The following PTPRG variants were observed in gnomAD, a reference collection of about 807,000 sequenced individuals.
PTPRG encodes receptor-type tyrosine-protein phosphatase gamma.
A neutral mutation model predicts 165.3 loss-of-function variants in PTPRG; 102 were observed. That is an observed-to-expected ratio of 0.62 (90% CI 0.53 to 0.73). The LOEUF is 0.73. PTPRG is among the 30% of genes least tolerant of loss of function. The pLI, the probability that PTPRG is intolerant of heterozygous loss-of-function variation, is 0.00. For synonymous variants in PTPRG, 675 were observed against 669.5 expected, an observed-to-expected ratio of 1.01 and a Z score of -0.13; for missense variants, 1,866 against 1,861.4, an observed-to-expected ratio of 1.00 and a Z score of -0.05.
At chr3:61,575,089 T>C (rs531389369) in intron 1 of PTPRG, among the ~76,000 whole-genome samples, 12 of 152,282 alleles carry the variant, frequency 7.9e-5, no homozygotes, top group Admixed American at 7.2e-4. Flanking sequence ...GCGCATAACT[T>C]TAGCGTTAGA....
intron 2 of PTPRG, among the ~76,000 whole-genome samples, chr3:61,760,592 T>A (rs1389569586): frequency 1.3e-5 from 2 of 152,174 alleles, no homozygotes; most frequent in Non-Finnish European, 2.9e-5. Context: ...CTGCAACCCA[T>A]TCCTTTGTTT....
At position 62,245,797 on chromosome 3, in the gene PTPRG, A is replaced by T. The variant is rs1051293494; in HGVS notation, c.2467+1899A>T. 2.6e-5 allele frequency among the ~76,000 whole-genome samples: 4 copies of T among 152,076 alleles called. No homozygotes were observed. The highest frequency in any genetic ancestry group is 4.4e-5 in the Non-Finnish European group (3 of 67,990). On this transcript the variant is annotated intron_variant, in intron 15 of 29. Coordinates refer to ENST00000474889, the MANE Select transcript of PTPRG (RefSeq NM_002841.4). The surrounding 1 kb of genome is among the most constrained non-coding windows in gnomAD (Gnocchi z 4.2). ...GTAATCCCAGCAGTCATGGAGAGAG[A>T]GCATTTGCATGACTCTCATGTTAAA...
At chr3:62,196,748 A>G (rs1298132199) in intron 10 of PTPRG, among the ~76,000 whole-genome samples, 1 of 152,216 alleles carries the variant, frequency 6.6e-6, no homozygotes, top group Non-Finnish European at 1.5e-5. Flanking sequence ...CTGTCAAATA[A>G]GAAAACCACG....
rs995341459 is a variant in PTPRG at position 62,131,238 on chromosome 3, C to T, written c.616-1364C>T. Among the ~76,000 whole-genome samples the T allele has an allele frequency of 3.3e-5, 5 of 152,294 alleles. No homozygotes were observed. The South Asian group carries it at 8.3e-4, about 25-fold the overall frequency. On this transcript the variant is annotated intron_variant, in intron 5 of 29. Transcript: ENST00000474889. ...AGTAGCCCCTCCCCTTCTCATCCCC[C>T]TCCCACTGCTATGTGACAACGAAAA...
chr3:62,094,088 A>G (rs11714506), intron 5 of PTPRG, among the ~76,000 whole-genome samples: 23,864 of 152,182 alleles, frequency 0.16, 2,106 homozygotes, highest in South Asian at 0.26. Context: ...TCTATCCCCA[A>G]CTGACAAATG....
intron 2 of PTPRG, among the ~76,000 whole-genome samples, chr3:61,942,111 T>C (rs887416002): frequency 6.8e-6 from 1 of 147,800 alleles, no homozygotes; most frequent in Non-Finnish European, 1.5e-5. Flanking sequence ...TGAGCGGAGA[T>C]CGCGCTACTA....
At chr3:62,290,685 G>A (rs527983127) in intron 28 of PTPRG, among the ~76,000 whole-genome samples, 49 of 152,174 alleles carry the variant, frequency 3.2e-4, no homozygotes, top group Non-Finnish European at 5.0e-4. Context: ...AGATCACACT[G>A]TAAAATAAGA....
At position 62,231,315 on chromosome 3, in the gene PTPRG, A is replaced by G; in HGVS notation, c.2375+4A>G. 6.3e-7 allele frequency: 1 copy of G among 1,575,520 alleles called. No homozygotes were observed. Among genetic ancestry groups the G allele is most frequent in the Non-Finnish European group, 8.6e-7 (1 of 1,162,634 alleles). ...AGAGAGGAGAGAAGGGGAGCAGGTG[A>G]GGGGCGGTCAAGCTTAAGTGGGGGG... On this transcript the variant is annotated splice_donor_region_variant and intron_variant, in intron 14 of 29. Transcript: ENST00000474889.
intron 2 of PTPRG, among the ~76,000 whole-genome samples, chr3:61,931,293 G>A (rs1040508920): frequency 6.6e-6 from 1 of 152,188 alleles, no homozygotes; most frequent in Non-Finnish European, 1.5e-5. Flanking sequence ...CAACAGTTCT[G>A]CTTAAAGGTT....
At chr3:61,695,337 C>G (rs536904418) in intron 1 of PTPRG, among the ~76,000 whole-genome samples, 1 of 152,190 alleles carries the variant, frequency 6.6e-6, no homozygotes, top group Admixed American at 6.5e-5. Context: ...GCAAGGTCCT[C>G]CATTTTTTCA....
Position 62,078,210 on chromosome 3 carries a change from C to G in PTPRG, c.567C>G (p.Thr189=). The change falls in exon 5 of 30, where the codon ACC becomes ACG. Residue 189 remains threonine, a synonymous_variant. Transcript: ENST00000474889. ...YNPDDFDSFQ[T]AISENRIIGA... Reference sequence around the variant, plus strand: ...CAGATGACTTTGACAGCTTTCAAACCGCAATTTCTGAGAACAGAATAATCG... The same window carrying G: ...CAGATGACTTTGACAGCTTTCAAACGGCAATTTCTGAGAACAGAATAATCG... 6.2e-7 allele frequency: 1 copy of G among 1,608,734 alleles called. No homozygotes were observed. The highest frequency in any genetic ancestry group is 2.2e-5 in the East Asian group (1 of 44,600).
At chr3:61,566,812 T>C (rs1699926238) in intron 1 of PTPRG, among the ~76,000 whole-genome samples, 2 of 152,254 alleles carry the variant, frequency 1.3e-5, no homozygotes, top group African/African-American at 4.8e-5. Context: ...TTTAACACTT[T>C]GCTTTTACAG....
At chr3:61,562,918 G>A (rs902684077) in intron 1 of PTPRG, among the ~76,000 whole-genome samples, 3 of 152,050 alleles carry the variant, frequency 2.0e-5, no homozygotes, top group African/African-American at 7.2e-5. Flanking sequence ...TGTGTGGGGA[G>A]CAGCCTGCGT....
At chr3:61,619,510 A>T (rs150615348) in intron 1 of PTPRG, among the ~76,000 whole-genome samples, 12 of 152,300 alleles carry the variant, frequency 7.9e-5, no homozygotes, top group African/African-American at 2.9e-4. Context: ...CAGGACAGCC[A>T]CCGCAGGAAA....
chr3:61,991,753 G>C (rs957905481), intron 3 of PTPRG, among the ~76,000 whole-genome samples: 1 of 152,224 alleles, frequency 6.6e-6, no homozygotes, highest in African/African-American at 2.4e-5. Context: ...GGCTGTCAAA[G>C]ACAATCACTG....
chr3:62,148,179 G>T (rs980036206), intron 6 of PTPRG, among the ~76,000 whole-genome samples: 4 of 152,082 alleles, frequency 2.6e-5, no homozygotes, highest in Non-Finnish European at 4.4e-5. Flanking sequence ...AACATACTGA[G>T]ATGGGGGGCT....
At chr3:61,756,685 G>A (rs2033645441) in intron 2 of PTPRG, among the ~76,000 whole-genome samples, 1 of 152,168 alleles carries the variant, frequency 6.6e-6, no homozygotes, top group African/African-American at 2.4e-5. Context: ...TATATTATCA[G>A]AGGACATGAA....
At chr3:61,758,930 T>G (rs1465356918) in intron 2 of PTPRG, among the ~76,000 whole-genome samples, 2 of 152,202 alleles carry the variant, frequency 1.3e-5, no homozygotes, top group East Asian at 3.8e-4. Flanking sequence ...CGCTGTTCAT[T>G]TAAGCGAAGA....
intron 5 of PTPRG, among the ~76,000 whole-genome samples, chr3:62,130,107 G>A (rs1295934186): frequency 6.6e-6 from 1 of 152,156 alleles, no homozygotes; most frequent in African/African-American, 2.4e-5. Context: ...TCAGTTGTGG[G>A]TATGGCTAGT....
Sources: allele counts gnomAD v4.1 joint callset (sites outside exome capture counted in the v4.1 genomes callset), GRCh38; gene constraint gnomAD v4.1.1; non-coding constraint Gnocchi (gnomAD v3.1); transcripts MANE v1.5; gene names NCBI Gene and HGNC (gene_info 2026-07-23, HGNC 2026-07-21).